Variants in PTPRD observed in about 807,000 individuals in gnomAD.
The protein encoded by PTPRD is receptor-type tyrosine-protein phosphatase delta.
Under a neutral mutation model 214.5 loss-of-function variants are expected in PTPRD, and 34 were observed. The observed-to-expected ratio is 0.16, with a 90% CI of 0.12 to 0.21. The LOEUF is 0.21. Among genes scored for constraint, PTPRD ranks in the 10% least tolerant of loss-of-function variants. The pLI, the probability that PTPRD is intolerant of heterozygous loss-of-function variation, is 1.00. For missense variants in PTPRD, 2,545 were observed against 2,398.7 expected, an observed-to-expected ratio of 1.06 and a Z score of -1.27; for synonymous variants, 1,128 against 845.7, an observed-to-expected ratio of 1.33 and a Z score of -5.79.
intron 5 of PTPRD, among the ~76,000 whole-genome samples, chr9:9,882,185 C>G (rs2068949202): frequency 6.6e-6 from 1 of 152,046 alleles, no homozygotes. Context: ...CTCCAACATG[C>G]CCTTCACCAC....
intron 2 of PTPRD, among the ~76,000 whole-genome samples, chr9:10,603,877 A>AT (rs1200901618): frequency 2.0e-5 from 3 of 151,910 alleles, no homozygotes; most frequent in African/African-American, 7.2e-5. Context: ...ATCCCACTAC[A>AT]AGAAGTGATA....
intron 8 of PTPRD, among the ~76,000 whole-genome samples, chr9:9,532,871 C>T (rs1046099452): frequency 1.3e-5 from 2 of 152,110 alleles, no homozygotes; most frequent in African/African-American, 4.8e-5. Flanking sequence ...TGACTGGTTG[C>T]TTATGAACTA....
intron 12 of PTPRD, among the ~76,000 whole-genome samples, chr9:8,716,114 C>T (rs1039957903): frequency 6.6e-6 from 1 of 152,202 alleles, no homozygotes; most frequent in African/African-American, 2.4e-5. Flanking sequence ...GCGAAAACCG[C>T]AATTACCTTT....
rs2135933850 is a variant in PTPRD at position 8,485,981 on chromosome 9, C to G, written c.2836G>C (p.Glu946Gln). Reference sequence around the variant, plus strand: ...TACTTGGTGATAATGCCATTTCTCTCTGCCAGGACAGGTGGTTGCCAAGAT... The same window carrying G: ...TACTTGGTGATAATGCCATTTCTCTGTGCCAGGACAGGTGGTTGCCAAGAT... ...QLSWQPPVLA[E>Q]RNGIITKYTL... The change falls in exon 28 of 46, where the codon GAG (glutamate) becomes CAG (glutamine). Residue 946 changes from glutamate (E) to glutamine (Q), a missense_variant. Transcript: ENST00000381196. 1.2e-6 allele frequency: 2 copies of G among 1,614,176 alleles called. No homozygotes were observed. Among genetic ancestry groups the G allele is most frequent in the Non-Finnish European group, 1.7e-6 (2 of 1,180,036 alleles).
chr9:9,917,639 T>C (rs895544604), intron 5 of PTPRD, among the ~76,000 whole-genome samples: 3 of 151,890 alleles, frequency 2.0e-5, no homozygotes, highest in South Asian at 4.2e-4. Context: ...TAAAAATAGC[T>C]AAACAGAAAA....
intron 11 of PTPRD, among the ~76,000 whole-genome samples, chr9:8,866,517 TA>T (rs552013235): frequency 6.6e-6 from 1 of 152,026 alleles, no homozygotes; most frequent in African/African-American, 2.4e-5. Context: ...ACTCCCATGC[TA>T]AAAAAAACCT....
In PTPRD at chr9:10,604,506, A is replaced by C. The variant is rs549101996; in HGVS notation, c.-600+7892T>G. Among the ~76,000 whole-genome samples the C allele has an allele frequency of 5.3e-5, 8 of 151,970 alleles. No homozygotes were observed. In the South Asian group the frequency reaches 1.7e-3, roughly 32 times the overall value. On this transcript the variant is annotated intron_variant, in intron 2 of 45. Coordinates refer to ENST00000381196, the MANE Select transcript of PTPRD (RefSeq NM_002839.4). ...AAGGAATATCCTCCTGAGGGGCAGG[A>C]AAATGGGAGAATAAAGCACTAGACT...
At chr9:8,361,283 G>A (rs1287935941) in intron 39 of PTPRD, among the ~76,000 whole-genome samples, 3 of 152,160 alleles carry the variant, frequency 2.0e-5, no homozygotes, top group Non-Finnish European at 4.4e-5. Context: ...TCAAATAACA[G>A]GCAGTGGTGG....
At chr9:8,817,352 T>G (rs564130274) in intron 11 of PTPRD, among the ~76,000 whole-genome samples, 1 of 152,210 alleles carries the variant, frequency 6.6e-6, no homozygotes, top group Non-Finnish European at 1.5e-5. Flanking sequence ...TATTTAGAAA[T>G]AGTAAAAGAA....
intron 7 of PTPRD, among the ~76,000 whole-genome samples, chr9:9,644,807 G>A (rs906256084): frequency 2.0e-5 from 3 of 152,146 alleles, no homozygotes; most frequent in Non-Finnish European, 4.4e-5. Context: ...GGCAGAGAAG[G>A]AGAGAAGAGA....
At chr9:10,175,853 G>A (rs1233096598) in intron 3 of PTPRD, among the ~76,000 whole-genome samples, 2 of 151,846 alleles carry the variant, frequency 1.3e-5, no homozygotes, top group East Asian at 3.9e-4. Flanking sequence ...GAAAGAAAAA[G>A]AGAACAAAAC....
chr9:9,554,528 T>C (rs2081065614), intron 8 of PTPRD, among the ~76,000 whole-genome samples: 1 of 151,846 alleles, frequency 6.6e-6, no homozygotes, highest in South Asian at 2.1e-4. Flanking sequence ...GGGTTAAATA[T>C]CTTGAAAGAA....
chr9:9,920,148 C>CA (rs571379326), intron 5 of PTPRD, among the ~76,000 whole-genome samples: 9 of 152,016 alleles, frequency 5.9e-5, no homozygotes, highest in Non-Finnish European at 1.3e-4. Flanking sequence ...TTGTGTCTTC[C>CA]AAAACAGTGT....
chr9:8,552,599 A>G (rs1439551931), intron 14 of PTPRD, among the ~76,000 whole-genome samples: 1 of 152,102 alleles, frequency 6.6e-6, no homozygotes. Context: ...TAGGAAATCC[A>G]ACCAGCGACC....
In PTPRD at chr9:10,597,366, G is replaced by A. The variant is rs146425552; in HGVS notation, c.-600+15032C>T. On this transcript the variant is annotated intron_variant, in intron 2 of 45. Coordinates refer to ENST00000381196, the MANE Select transcript of PTPRD (RefSeq NM_002839.4). ...GGAACTTTATAACAAGCTATGCTTC[G>A]AATGAATATGCTTTGAGCACTGTCA... Among the ~76,000 whole-genome samples, 408 of 151,474 alleles carry A rather than the reference G, an allele frequency of 2.7e-3. 2 individuals are homozygous for A. Among genetic ancestry groups the A allele is most frequent in the African/African-American group, 9.2e-3 (379 of 41,372 alleles).
chr9:10,048,533 A>G (rs2097451586), intron 3 of PTPRD, among the ~76,000 whole-genome samples: 1 of 151,986 alleles, frequency 6.6e-6, no homozygotes, highest in Admixed American at 6.6e-5. Context: ...TTTATTACAT[A>G]TCTTTAATCC....
At chr9:8,728,063 T>A (rs1255318038) in intron 12 of PTPRD, among the ~76,000 whole-genome samples, 1 of 151,786 alleles carries the variant, frequency 6.6e-6, no homozygotes, top group East Asian at 1.9e-4. Context: ...GCCTGACCAA[T>A]ATGGAGAAAC....
At chr9:9,619,965 A>G (rs2095143436) in intron 7 of PTPRD, among the ~76,000 whole-genome samples, 1 of 151,706 alleles carries the variant, frequency 6.6e-6, no homozygotes, top group Admixed American at 6.6e-5. Context: ...ATATCTCCAC[A>G]TATATATGGA....
At chr9:9,472,219 C>G (rs1449513930) in intron 8 of PTPRD, among the ~76,000 whole-genome samples, 1 of 111,794 alleles carries the variant, frequency 8.9e-6, no homozygotes, top group Non-Finnish European at 1.7e-5. Context: ...TTTTTTGAGA[C>G]GGAGTCTTGC....
Sources: gnomAD v4.1 joint callset for allele counts (sites outside exome capture counted in the v4.1 genomes callset) on GRCh38, gnomAD v4.1.1 for gene constraint, MANE v1.5 for transcripts, NCBI Gene and HGNC (gene_info 2026-07-23, HGNC 2026-07-21) for gene names.